The following EPHB1 variants were observed in gnomAD, a reference collection of about 807,000 sequenced individuals.
The protein encoded by EPHB1 is ephrin type-B receptor 1.
Under a neutral mutation model 94.4 loss-of-function variants are expected in EPHB1, and 30 were observed. The ratio of observed to expected loss-of-function variants is 0.32; its 90% CI spans 0.24 to 0.43. The LOEUF (loss-of-function observed/expected upper bound fraction) is 0.43. Ranked by LOEUF, EPHB1 falls within the 20% of genes least tolerant of loss-of-function variation. The pLI is 1.00. For synonymous variants in EPHB1, 522 were observed against 489.1 expected, an observed-to-expected ratio of 1.07 and a Z score of -0.89; for missense variants, 1,055 against 1,308.3, an observed-to-expected ratio of 0.81 and a Z score of 2.99.
At chr3:135,129,527 C>T (rs879378324) in intron 4 of EPHB1, among the ~76,000 whole-genome samples, 1 of 152,198 alleles carries the variant, frequency 6.6e-6, no homozygotes, top group Non-Finnish European at 1.5e-5. Flanking sequence ...CTTTTCCATG[C>T]ACACTGAGCA....
chr3:135,042,621 G>A (rs1031246051), intron 3 of EPHB1, among the ~76,000 whole-genome samples: 5 of 152,104 alleles, frequency 3.3e-5, no homozygotes, highest in African/African-American at 4.8e-5. Context: ...CTTGCTTATT[G>A]AGCTGAGTTT....
At chr3:135,253,220 G>T (rs1237656680) in intron 15 of EPHB1, among the ~76,000 whole-genome samples, 2 of 151,026 alleles carry the variant, frequency 1.3e-5, no homozygotes, top group African/African-American at 2.4e-5. Flanking sequence ...AGTTTAATTA[G>T]ATCCCATTTG....
intron 13 of EPHB1, among the ~76,000 whole-genome samples, chr3:135,241,648 C>G (rs544640123): frequency 2.6e-5 from 4 of 152,296 alleles, no homozygotes; most frequent in Admixed American, 2.0e-4. Context: ...CTGTGTTTTC[C>G]TTCCCTGTGA....
intron 1 of EPHB1, among the ~76,000 whole-genome samples, chr3:134,918,327 A>G (rs2038613268): frequency 6.6e-6 from 1 of 152,170 alleles, no homozygotes; most frequent in Non-Finnish European, 1.5e-5. Context: ...GGAACTGAAG[A>G]TCAATTTGGA....
At chr3:135,225,346 C>T (rs565524329) in intron 12 of EPHB1, among the ~76,000 whole-genome samples, 46 of 152,300 alleles carry the variant, frequency 3.0e-4, no homozygotes, top group Admixed American at 7.2e-4. Flanking sequence ...CTTTTGCTTG[C>T]CACTGACAGA....
At chr3:135,073,131 A>AT (rs1030250279) in intron 3 of EPHB1, among the ~76,000 whole-genome samples, 1 of 150,630 alleles carries the variant, frequency 6.6e-6, no homozygotes, top group Non-Finnish European at 1.5e-5. Flanking sequence ...TCATTGTATG[A>AT]TTTTTTTCTA....
In EPHB1 at chr3:135,248,497, C is replaced by G. The variant is rs1943981195; in HGVS notation, c.2678C>G (p.Thr893Ser). The G allele has an allele frequency of 6.2e-7, 1 of 1,602,834 alleles. No individual in the cohort carries two copies. Among genetic ancestry groups the G allele is most frequent in the Admixed American group, 1.7e-5 (1 of 59,162 alleles). The change falls in exon 14 of 16, where the codon ACC (threonine) becomes AGC (serine). Residue 893 changes from threonine to serine, a missense_variant. Thr to Ser is a moderately conservative substitution (Grantham distance 58). Transcript: ENST00000398015. Reference sequence around the variant, plus strand: ...CCGGCAAGTCTCAAGACTGTGGCAACCATCACCGCCGTGTGAGTCTAGTGA... The same window carrying G: ...CCGGCAAGTCTCAAGACTGTGGCAAGCATCACCGCCGTGTGAGTCTAGTGA... ...RNPASLKTVA[T>S]ITAVPSQPLL...
chr3:134,875,668 T>G (rs898328577), intron 1 of EPHB1, among the ~76,000 whole-genome samples: 47 of 152,222 alleles, frequency 3.1e-4, no homozygotes, highest in Non-Finnish European at 4.7e-4. Context: ...GCTAATGTTT[T>G]TGAGCGGGCT....
intron 4 of EPHB1, among the ~76,000 whole-genome samples, chr3:135,107,233 A>G (rs1939251567): frequency 6.6e-6 from 1 of 152,200 alleles, no homozygotes; most frequent in African/African-American, 2.4e-5. Context: ...GAGCTAATGC[A>G]TTGGCTACAT....
chr3:134,842,659 A>G (rs2036797967), intron 1 of EPHB1, among the ~76,000 whole-genome samples: 1 of 152,194 alleles, frequency 6.6e-6, no homozygotes, highest in African/African-American at 2.4e-5. Context: ...TTCTATCACC[A>G]AGTAAAGTAA....
rs868864751 is a variant in EPHB1, at chr3:134,952,038, G to A, written c.791G>A (p.Ser264Asn). The A allele has an allele frequency of 6.2e-7, 1 of 1,605,626 alleles. No individual in the cohort carries two copies. The change falls in exon 3 of 16, where the codon AGC (serine) becomes AAC (asparagine). Residue 264 changes from serine (S) to asparagine (N), a missense_variant. Coordinates refer to ENST00000398015, the MANE Select transcript of EPHB1 (RefSeq NM_004441.5). ...TCKPGYEPEN[S>N]VACKACPAGT... ...AAGCCTGGCTATGAGCCTGAGAACA[G>A]CGTGGCATGCAAGGGTAAGCTTTGG...
intron 10 of EPHB1, among the ~76,000 whole-genome samples, chr3:135,188,201 AAT>A (rs1321334356): frequency 1.4e-5 from 2 of 138,936 alleles, no homozygotes; most frequent in African/African-American, 5.1e-5. Flanking sequence ...TGTCTAAAAA[AAT>A]AAATAAATAA....
chr3:135,234,419 A>G (rs140162493), intron 12 of EPHB1, among the ~76,000 whole-genome samples: 1,945 of 152,308 alleles, frequency 0.013, 50 homozygotes, highest in African/African-American at 0.044. Flanking sequence ...GTCTCTAGGA[A>G]GTTCCAAACT....
At chr3:135,029,285 T>G (rs1214844233) in intron 3 of EPHB1, among the ~76,000 whole-genome samples, 1 of 151,706 alleles carries the variant, frequency 6.6e-6, no homozygotes, top group Non-Finnish European at 1.5e-5. Context: ...GCTGGTCATT[T>G]TGCTCGTTAG....
At chr3:135,010,161 T>C (rs949046896) in intron 3 of EPHB1, among the ~76,000 whole-genome samples, 1 of 152,226 alleles carries the variant, frequency 6.6e-6, no homozygotes, top group African/African-American at 2.4e-5. Flanking sequence ...TTGCTAAAGT[T>C]CAAAAATGTT....
At chr3:134,897,904 G>A (rs141870661) in intron 1 of EPHB1, among the ~76,000 whole-genome samples, 77 of 152,266 alleles carry the variant, frequency 5.1e-4, no homozygotes, top group African/African-American at 1.8e-3. Context: ...GCCCTTCCAT[G>A]GTAGCTCTTC....
At chr3:135,048,442 G>A (rs892945881) in intron 3 of EPHB1, among the ~76,000 whole-genome samples, 1 of 151,282 alleles carries the variant, frequency 6.6e-6, no homozygotes, top group African/African-American at 2.4e-5. Context: ...CCTGTTTTTT[G>A]TAATTTTACT....
chr3:135,249,861 A>C (rs1932996280), intron 15 of EPHB1, among the ~76,000 whole-genome samples: 1 of 152,270 alleles, frequency 6.6e-6, no homozygotes, highest in East Asian at 1.9e-4. Context: ...GCACTGATTC[A>C]GCAACAGTCT....
intron 15 of EPHB1, among the ~76,000 whole-genome samples, chr3:135,255,139 T>C (rs1460500316): frequency 1.3e-5 from 2 of 152,122 alleles, no homozygotes; most frequent in Non-Finnish European, 2.9e-5. Flanking sequence ...GTCTATCAAT[T>C]TTGTTGATCC....
Sources: gnomAD v4.1 joint callset for allele counts (sites outside exome capture counted in the v4.1 genomes callset) on GRCh38, gnomAD v4.1.1 for gene constraint, MANE v1.5 for transcripts, NCBI Gene and HGNC (gene_info 2026-07-23, HGNC 2026-07-21) for gene names.